Variants in PLXNA4 observed in about 807,000 individuals in gnomAD.
PLXNA4 encodes the protein plexin-A4.
A neutral mutation model predicts 191.8 loss-of-function variants in PLXNA4; 44 were observed. That is an observed-to-expected ratio of 0.23 (90% confidence interval 0.18 to 0.29). The LOEUF (loss-of-function observed/expected upper bound fraction) is 0.29. Ranked by LOEUF, PLXNA4 falls within the 10% of genes least tolerant of loss-of-function variation. The probability of loss-of-function intolerance (pLI) is 1.00; values close to 1 mark genes in which losing one functional copy is unlikely to be tolerated. For missense variants in PLXNA4, 1,800 were observed against 2,488.8 expected (o/e 0.72, Z 5.89); for synonymous variants, 1,082 against 1,009.5 (o/e 1.07, Z -1.36).
At chr7:132,309,279 T>G (rs1801638108) in intron 3 of PLXNA4, among the ~76,000 whole-genome samples, 1 of 152,158 alleles carries the variant, frequency 6.6e-6, no homozygotes, top group South Asian at 2.1e-4. Context: ...CAGCCTGGCC[T>G]CGCTGAGAGA....
intron 3 of PLXNA4, among the ~76,000 whole-genome samples, chr7:132,306,946 G>C (rs1350001561): frequency 6.6e-6 from 1 of 152,130 alleles, no homozygotes; most frequent in African/African-American, 2.4e-5. Flanking sequence ...ATGCGAATAC[G>C]GGCATGAGGT....
At chr7:132,198,928 C>T (rs147923702) in intron 12 of PLXNA4, among the ~76,000 whole-genome samples, 395 of 152,170 alleles carry the variant, frequency 2.6e-3, no homozygotes, top group African/African-American at 9.2e-3. Flanking sequence ...CCGGGTGATT[C>T]GTAGAAAATT....
intron 3 of PLXNA4, among the ~76,000 whole-genome samples, chr7:132,346,042 A>T (rs1309553663): frequency 6.6e-6 from 1 of 152,192 alleles, no homozygotes; most frequent in Admixed American, 6.5e-5. Flanking sequence ...GTTGGGATGA[A>T]CTTCAAATGA....
chr7:132,454,194 C>T (rs1563108293), intron 3 of PLXNA4, among the ~76,000 whole-genome samples: 2 of 152,170 alleles, frequency 1.3e-5, no homozygotes, highest in Non-Finnish European at 2.9e-5. Flanking sequence ...TTTGATATGC[C>T]TTCTTTCATC....
At chr7:132,458,894 G>A (rs1796401958) in intron 3 of PLXNA4, among the ~76,000 whole-genome samples, 1 of 152,160 alleles carries the variant, frequency 6.6e-6, no homozygotes, top group Non-Finnish European at 1.5e-5. Context: ...TGGAGAGCTG[G>A]GCGAAATGCC....
chr7:132,618,610 A>G (rs567802682), intron 2 of PLXNA4, among the ~76,000 whole-genome samples: 2 of 152,316 alleles, frequency 1.3e-5, no homozygotes, highest in African/African-American at 4.8e-5. Flanking sequence ...CCTCTAGGCC[A>G]GGCTCATTCA....
At chr7:132,454,346 A>C (rs1796238548) in intron 3 of PLXNA4, among the ~76,000 whole-genome samples, 1 of 152,156 alleles carries the variant, frequency 6.6e-6, no homozygotes, top group South Asian at 2.1e-4. Flanking sequence ...CAACAACAAG[A>C]AGCCTCTCCA....
At chr7:132,440,598 TC>T (rs2117245287) in intron 3 of PLXNA4, among the ~76,000 whole-genome samples, 1 of 152,326 alleles carries the variant, frequency 6.6e-6, no homozygotes, top group East Asian at 1.9e-4. Flanking sequence ...TCCTGTTCTT[TC>T]CTCCCCTTCC....
At position 132,178,817 on chromosome 7, in the gene PLXNA4, A is replaced by G. The variant is rs6946443; in HGVS notation, c.3874+870T>C. Among the ~76,000 whole-genome samples, 764 of 126,542 alleles carry G rather than the reference A, an allele frequency of 6.0e-3. 57 individuals are homozygous for G. The highest frequency in any genetic ancestry group is 0.021 in the African/African-American group (540 of 25,598). The allele number at this position is 126,542 out of a possible 152,430, so 83.0% of individuals were successfully genotyped here. A position where few individuals can be genotyped will look rare whatever the true frequency, so the allele number is the denominator to read the frequency against. ...ACAGCTGCCTGGGCTGCTTGCTTGT[A>G]AATGAAACACATACACATACACATA... On this transcript the variant is annotated intron_variant, in intron 20 of 31. Coordinates refer to ENST00000321063, the MANE Select transcript of PLXNA4 (RefSeq NM_020911.2).
intron 3 of PLXNA4, among the ~76,000 whole-genome samples, chr7:132,392,487 C>T (rs997559648): frequency 6.6e-6 from 1 of 152,180 alleles, no homozygotes; most frequent in African/African-American, 2.4e-5. Flanking sequence ...CCTGAGTTTC[C>T]CAGGTCTCCT....
chr7:132,386,929 A>G (rs1387136442), intron 3 of PLXNA4, among the ~76,000 whole-genome samples: 3 of 152,250 alleles, frequency 2.0e-5, no homozygotes, highest in African/African-American at 7.2e-5. Flanking sequence ...TTTCCCATCT[A>G]CTGTAGATGG....
intron 28 of PLXNA4, among the ~76,000 whole-genome samples, chr7:132,146,099 AAAAAG>A (rs1562881739): frequency 6.7e-6 from 1 of 150,354 alleles, no homozygotes; most frequent in African/African-American, 2.4e-5. Context: ...AAAAAAAAAA[AAAAAG>A]AAAAGATATG....
chr7:132,637,531 C>T (rs1333683586), intron 2 of PLXNA4, among the ~76,000 whole-genome samples: 2 of 152,180 alleles, frequency 1.3e-5, no homozygotes, highest in African/African-American at 2.4e-5. Context: ...AGCAAAGATG[C>T]CCCCAGACTT....
At chr7:132,574,149 T>A (rs1802115668) in intron 1 of PLXNA4, among the ~76,000 whole-genome samples, 1 of 152,210 alleles carries the variant, frequency 6.6e-6, no homozygotes, top group Non-Finnish European at 1.5e-5. Context: ...ATAACCAGCA[T>A]AATGATACTA....
intron 2 of PLXNA4, among the ~76,000 whole-genome samples, chr7:132,505,631 A>T (rs1798435374): frequency 6.6e-6 from 1 of 151,976 alleles, no homozygotes; most frequent in Non-Finnish European, 1.5e-5. Context: ...TCTGTTACTC[A>T]CTCCTAAGAT....
At chr7:132,582,037 T>A (rs1169470470), upstream of PLXNA4, among the ~76,000 whole-genome samples, 1 of 152,208 alleles carries the variant, frequency 6.6e-6, no homozygotes, top group African/African-American at 2.4e-5. Context: ...GCCAGAGCCA[T>A]GTCTTGCTAC....
intron 3 of PLXNA4, among the ~76,000 whole-genome samples, chr7:132,308,058 C>T (rs987728441): frequency 5.9e-5 from 9 of 152,108 alleles, no homozygotes; most frequent in African/African-American, 1.7e-4. Context: ...GCCTCCAAAC[C>T]TTCCCCACCT....
intron 2 of PLXNA4, among the ~76,000 whole-genome samples, chr7:132,601,183 T>C (rs1366251708): frequency 6.6e-6 from 1 of 152,026 alleles, no homozygotes; most frequent in East Asian, 1.9e-4. Flanking sequence ...GTTCAGTAAA[T>C]ATTGAGGGAA....
chr7:132,364,586 C>T (rs988396017), intron 3 of PLXNA4, among the ~76,000 whole-genome samples: 1 of 152,200 alleles, frequency 6.6e-6, no homozygotes, highest in Non-Finnish European at 1.5e-5. Flanking sequence ...CTTAAAAGGG[C>T]CCACAGAGGG....
Sources: allele counts gnomAD v4.1 joint callset (sites outside exome capture counted in the v4.1 genomes callset), GRCh38; gene constraint gnomAD v4.1.1; transcripts MANE v1.5; gene names NCBI Gene and HGNC (gene_info 2026-07-23, HGNC 2026-07-21).